The following PTPRD variants were observed in gnomAD, a reference collection of about 807,000 sequenced individuals.
PTPRD encodes the protein protein tyrosine phosphatase receptor type D, also known as receptor-type tyrosine-protein phosphatase delta.
Under a neutral mutation model 214.5 loss-of-function variants are expected in PTPRD, and 34 were observed. That is an observed-to-expected ratio of 0.16 (90% CI 0.12 to 0.21). The LOEUF is 0.21. PTPRD is among the 10% of genes least tolerant of loss of function. PTPRD has a pLI of 1.00. For missense variants in PTPRD, 2,545 were observed against 2,398.7 expected (o/e 1.06, Z -1.27); for synonymous variants, 1,128 against 845.7 (o/e 1.33, Z -5.79).
intron 35 of PTPRD, among the ~76,000 whole-genome samples, chr9:8,416,617 T>C (rs1039733677): frequency 6.6e-6 from 1 of 152,248 alleles, no homozygotes; most frequent in Non-Finnish European, 1.5e-5. Flanking sequence ...TTGGGGTCCA[T>C]GAAGGTAACT....
At chr9:9,737,739 C>A (rs1312831263) in intron 6 of PTPRD, among the ~76,000 whole-genome samples, 1 of 152,106 alleles carries the variant, frequency 6.6e-6, no homozygotes. Context: ...ATTCACTAGC[C>A]GAAGGACATT....
intron 7 of PTPRD, among the ~76,000 whole-genome samples, chr9:9,673,124 G>T (rs891989021): frequency 6.6e-6 from 1 of 151,778 alleles, no homozygotes; most frequent in Non-Finnish European, 1.5e-5. Flanking sequence ...TTAATTCTAG[G>T]GAATTGTGCA....
At chr9:10,010,022 G>T (rs918028285) in intron 4 of PTPRD, among the ~76,000 whole-genome samples, 1 of 151,836 alleles carries the variant, frequency 6.6e-6, no homozygotes, top group African/African-American at 2.4e-5. Flanking sequence ...AATCCCCTTG[G>T]CCGAGAGGAG....
At chr9:10,167,256 C>A (rs1367601511) in intron 3 of PTPRD, among the ~76,000 whole-genome samples, 3 of 151,816 alleles carry the variant, frequency 2.0e-5, no homozygotes, top group African/African-American at 7.3e-5. Flanking sequence ...CTAATTCTCA[C>A]CTATTTTTGA....
chr9:9,205,975 T>C (rs980648474), intron 9 of PTPRD, among the ~76,000 whole-genome samples: 2 of 152,196 alleles, frequency 1.3e-5, no homozygotes, highest in Admixed American at 6.5e-5. Context: ...GGTGGGGTTA[T>C]TTTATCTTGG....
chr9:9,621,390 C>T (rs573689450), intron 7 of PTPRD, among the ~76,000 whole-genome samples: 7 of 152,234 alleles, frequency 4.6e-5, no homozygotes, highest in South Asian at 2.1e-4. Context: ...ATTATAGAAA[C>T]GCTCATAAAG....
intron 9 of PTPRD, among the ~76,000 whole-genome samples, chr9:9,234,952 T>C (rs2099965630): frequency 6.6e-6 from 1 of 152,192 alleles, no homozygotes; most frequent in African/African-American, 2.4e-5. Flanking sequence ...TTGCGTATCT[T>C]TACAGCAATG....
chr9:9,210,869 T>C (rs2099948080), intron 9 of PTPRD, among the ~76,000 whole-genome samples: 1 of 152,084 alleles, frequency 6.6e-6, no homozygotes, highest in South Asian at 2.1e-4. Context: ...CCTTTTTTTT[T>C]TCTCTTCAAT....
intron 20 of PTPRD, among the ~76,000 whole-genome samples, chr9:8,520,978 A>G (rs2097879772): frequency 6.6e-6 from 1 of 152,078 alleles, no homozygotes; most frequent in East Asian, 1.9e-4. Flanking sequence ...CAGTCCCACC[A>G]TAATGGTCGA....
chr9:10,107,413 T>C (rs1048627714), intron 3 of PTPRD, among the ~76,000 whole-genome samples: 2 of 152,070 alleles, frequency 1.3e-5, no homozygotes, highest in African/African-American at 4.8e-5. Context: ...ATTTTTTTGT[T>C]GTAAATAGAA....
intron 2 of PTPRD, among the ~76,000 whole-genome samples, chr9:10,493,197 C>T (rs2040923366): frequency 6.6e-6 from 1 of 152,030 alleles, no homozygotes; most frequent in Admixed American, 6.6e-5. Flanking sequence ...GGATTCAATG[C>T]TATCCCCATC....
intron 3 of PTPRD, among the ~76,000 whole-genome samples, chr9:10,278,614 A>G (rs2154389609): frequency 6.6e-6 from 1 of 152,250 alleles, no homozygotes; most frequent in African/African-American, 2.4e-5. Context: ...TAGGTTTTAC[A>G]TTTTCCTCAC....
intron 39 of PTPRD, among the ~76,000 whole-genome samples, chr9:8,347,012 G>A (rs144564699): frequency 2.6e-5 from 4 of 152,160 alleles, no homozygotes; most frequent in Admixed American, 6.6e-5. Context: ...AACATGCCAT[G>A]ACTGATGGCA....
At chr9:8,774,508 A>C (rs2095381045) in intron 11 of PTPRD, among the ~76,000 whole-genome samples, 1 of 137,296 alleles carries the variant, frequency 7.3e-6, no homozygotes. Context: ...CGCATAACCA[A>C]AATGCATGTG....
chr9:8,348,611 C>T (rs930619956), intron 39 of PTPRD, among the ~76,000 whole-genome samples: 2 of 152,120 alleles, frequency 1.3e-5, no homozygotes, highest in African/African-American at 4.8e-5. Flanking sequence ...AAAATTTCAT[C>T]TAGATATGCT....
At chr9:9,488,656 A>T (rs2095763289) in intron 8 of PTPRD, among the ~76,000 whole-genome samples, 1 of 152,246 alleles carries the variant, frequency 6.6e-6, no homozygotes, top group South Asian at 2.1e-4. Flanking sequence ...CTCCCCACTT[A>T]GGAGAATGCA....
intron 11 of PTPRD, among the ~76,000 whole-genome samples, chr9:8,937,624 T>G (rs557797707): frequency 6.6e-6 from 1 of 152,304 alleles, no homozygotes; most frequent in African/African-American, 2.4e-5. Context: ...TGGAATGTTT[T>G]TCTCTAACCT....
At chr9:9,066,848 G>A (rs1001379642) in intron 10 of PTPRD, among the ~76,000 whole-genome samples, 1 of 152,206 alleles carries the variant, frequency 6.6e-6, no homozygotes, top group African/African-American at 2.4e-5. Flanking sequence ...TTTTGACCCA[G>A]TGACTCTGAT....
At chr9:9,467,588 C>CAAAAAAATAATAAAAAA (rs2094287717) in intron 8 of PTPRD, among the ~76,000 whole-genome samples, 2 of 55,954 alleles carry the variant, frequency 3.6e-5, no homozygotes, top group African/African-American at 1.3e-4. Flanking sequence ...CTCCATCTCC[C>CAAAAAAATAATAAAAAA]AAAAAAAAAA....
Sources: allele counts gnomAD v4.1 joint callset (sites outside exome capture counted in the v4.1 genomes callset), GRCh38; gene constraint gnomAD v4.1.1; transcripts MANE v1.5; gene names NCBI Gene and HGNC (gene_info 2026-07-23, HGNC 2026-07-21).